The following TBC1D4 variants were observed in gnomAD, a reference collection of about 807,000 sequenced individuals.
The protein encoded by TBC1D4 is TBC (Tre-2, BUB2, CDC16) domain-containing protein.
A neutral mutation model predicts 142.5 loss-of-function variants in TBC1D4; 121 were observed. The observed-to-expected ratio is 0.85, with a 90% CI of 0.73 to 0.99. The LOEUF is 0.99. Ranked by LOEUF, TBC1D4 falls within the 50% of genes least tolerant of loss-of-function variation. The pLI is 0.00. For synonymous variants in TBC1D4, 630 were observed against 628.2 expected, an observed-to-expected ratio of 1.00 and a Z score of -0.04; for missense variants, 1,475 against 1,606.6, an observed-to-expected ratio of 0.92 and a Z score of 1.40.
rs915169274 is a variant in TBC1D4 at position 75,284,392 on chromosome 13, G to A, written c.*2400C>T. Among the ~76,000 whole-genome samples, 21 of 152,302 alleles carry A rather than the reference G, an allele frequency of 1.4e-4. No homozygotes were observed. Among genetic ancestry groups the A allele is most frequent in the African/African-American group, 4.8e-4 (20 of 41,558 alleles). ...AGACGATCCCATCTGGGGATGATGG[G>A]AGACAGTGACAGATCATCAGGCATT... On this transcript the variant is annotated 3_prime_UTR_variant, in exon 21 of 21. Coordinates refer to ENST00000377636, the MANE Select transcript of TBC1D4 (RefSeq NM_014832.5).
At chr13:75,304,337 A>G (rs968485319) in intron 15 of TBC1D4, among the ~76,000 whole-genome samples, 23 of 152,332 alleles carry the variant, frequency 1.5e-4, no homozygotes, top group Non-Finnish European at 2.6e-4. Flanking sequence ...AACAGAGAAT[A>G]AAGCAAGGCA....
chr13:75,320,996 A>G (rs1182345440), intron 11 of TBC1D4, among the ~76,000 whole-genome samples: 1 of 151,024 alleles, frequency 6.6e-6, no homozygotes, highest in African/African-American at 2.4e-5. Context: ...GCTGAGATTG[A>G]GCCACTGCAC....
At chr13:75,341,475 G>A in intron 6 of TBC1D4, 21 bp downstream of exon 6, 4 of 1,603,330 alleles carry the variant, frequency 2.5e-6, no homozygotes, top group East Asian at 2.2e-5. Flanking sequence ...TCTTATTTAT[G>A]AGACCTACAA....
At chr13:75,302,896 T>C (rs78059725) in intron 15 of TBC1D4, 2,149 of 181,114 alleles carry the variant, frequency 0.012, 51 homozygotes, top group African/African-American at 0.047. Context: ...TATTACTGCC[T>C]ATTTTCACTC....
rs1364346127 is a variant in TBC1D4 at position 75,296,991 on chromosome 13, G to A, written c.3157-1978C>T. ...CAAACCCACTGCAAGAGGCATTTAAGCACACTTCTAAACATCCTATTGGCT... is the reference window on the plus strand; with the variant it reads ...CAAACCCACTGCAAGAGGCATTTAAACACACTTCTAAACATCCTATTGGCT... On this transcript the variant is annotated intron_variant, in intron 17 of 20. Transcript: ENST00000377636. Among the ~76,000 whole-genome samples the A allele has an allele frequency of 2.6e-5, 4 of 152,014 alleles. No individual in the cohort carries two copies. In the East Asian group the frequency reaches 7.7e-4, roughly 29 times the overall value.
At chr13:75,348,432 A>G (rs1881326895) in intron 5 of TBC1D4, among the ~76,000 whole-genome samples, 1 of 152,190 alleles carries the variant, frequency 6.6e-6, no homozygotes, top group African/African-American at 2.4e-5. Flanking sequence ...CCATGTCTCA[A>G]TCATTTCTGT....
chr13:75,388,391 G>C (rs762231240), intron 1 of TBC1D4, among the ~76,000 whole-genome samples: 36 of 151,992 alleles, frequency 2.4e-4, no homozygotes, highest in Non-Finnish European at 4.4e-4. Flanking sequence ...CATTCTATTT[G>C]GTATGCCATT....
chr13:75,330,544 TAG>T (rs1463285651), intron 8 of TBC1D4, among the ~76,000 whole-genome samples: 23 of 152,218 alleles, frequency 1.5e-4, no homozygotes, highest in Middle Eastern at 3.2e-3. Flanking sequence ...TTCACAGATA[TAG>T]AGACTGAAGT....
chr13:75,472,875 G>A (rs902967730), intron 1 of TBC1D4, among the ~76,000 whole-genome samples: 4 of 152,146 alleles, frequency 2.6e-5, no homozygotes, highest in African/African-American at 9.7e-5. Context: ...GTTTAATTCA[G>A]GTAAACTCAG....
Position 75,326,211 on chromosome 13 carries a change from G to A in TBC1D4, c.2019C>T (p.Ser673=), listed in dbSNP as rs771582575. The A allele has an allele frequency of 3.7e-6, 6 of 1,614,134 alleles. No individual in the cohort carries two copies. The East Asian group carries it at 6.7e-5, about 18-fold the overall frequency. The part of the protein sequence containing the change: ...GVRSPLLRQS[S]SEQCSNLSSV... ...GTCAGACTCACCTGCACTGTTCACT[G>A]GAGCTCTGCCTCAGCAGAGGGGAAC... is the stretch of plus-strand genomic sequence containing the variant. The change falls in exon 10 of 21, where the codon TCC becomes TCT. Residue 673 remains serine, a synonymous_variant. Coordinates refer to ENST00000377636, the MANE Select transcript of TBC1D4 (RefSeq NM_014832.5).
rs1874458699 is a variant in TBC1D4, at chr13:75,283,516, G to C, written c.*3276C>G. Among the ~76,000 whole-genome samples the C allele has an allele frequency of 6.6e-6, 1 of 152,032 alleles. No individual in the cohort carries two copies. Among genetic ancestry groups the C allele is most frequent in the Non-Finnish European group, 1.5e-5 (1 of 67,994 alleles). On this transcript the variant is annotated 3_prime_UTR_variant, in exon 21 of 21. Transcript: ENST00000377636. ...AAGAAGATACAGTGTATTTTTATTG[G>C]ATTACAAATATACATGAGAATACTC...
intron 5 of TBC1D4, among the ~76,000 whole-genome samples, chr13:75,346,727 C>A (rs1881179862): frequency 6.6e-6 from 1 of 151,912 alleles, no homozygotes; most frequent in Non-Finnish European, 1.5e-5. Context: ...TGCCAGACTG[C>A]CTTCCTGAAA....
chr13:75,374,265 T>C (rs1210120578), intron 1 of TBC1D4, among the ~76,000 whole-genome samples: 2 of 152,102 alleles, frequency 1.3e-5, no homozygotes, highest in Admixed American at 6.6e-5. Flanking sequence ...ACCATGACCT[T>C]TCAATTAATT....
At chr13:75,359,531 G>C (rs534901004) in intron 3 of TBC1D4, among the ~76,000 whole-genome samples, 1 of 152,216 alleles carries the variant, frequency 6.6e-6, no homozygotes, top group South Asian at 2.1e-4. Context: ...CAATGAGAAA[G>C]AGTTGGCTAA....
At position 75,421,239 on chromosome 13, in the gene TBC1D4, C is replaced by T. The variant is rs116900349; in HGVS notation, c.499-58632G>A. Among the ~76,000 whole-genome samples, 704 of 152,312 alleles carry T rather than the reference C, an allele frequency of 4.6e-3. 1 individual carries two copies. Among genetic ancestry groups the T allele is most frequent in the Non-Finnish European group, 7.3e-3 (495 of 68,030 alleles). On this transcript the variant is annotated intron_variant, in intron 1 of 20. Transcript: ENST00000377636. ...CTCAGAACAGTGACCATCGTCCTCACAAAGCCTTTTTGGACCCTTTGGCCA... is the reference window on the plus strand; with the variant it reads ...CTCAGAACAGTGACCATCGTCCTCATAAAGCCTTTTTGGACCCTTTGGCCA...
chr13:75,403,057 T>C (rs915471776), intron 1 of TBC1D4, among the ~76,000 whole-genome samples: 9 of 152,184 alleles, frequency 5.9e-5, no homozygotes, highest in African/African-American at 1.9e-4. Flanking sequence ...CCCGTGCTCC[T>C]GGGCCCCTCT....
chr13:75,376,022 G>T (rs1008448682), intron 1 of TBC1D4: 1 of 152,126 alleles, frequency 6.6e-6, no homozygotes, highest in Non-Finnish European at 1.5e-5. Context: ...ATGCATTCGA[G>T]ACAAGGCAAT....
intron 1 of TBC1D4, among the ~76,000 whole-genome samples, chr13:75,446,305 C>A (rs537256885): frequency 6.6e-6 from 1 of 152,174 alleles, no homozygotes; most frequent in Non-Finnish European, 1.5e-5. Flanking sequence ...TTAGAACATT[C>A]GTAATGTTGT....
intron 1 of TBC1D4, among the ~76,000 whole-genome samples, chr13:75,418,241 G>C (rs1886004969): frequency 6.6e-6 from 1 of 152,062 alleles, no homozygotes; most frequent in Non-Finnish European, 1.5e-5. Context: ...ATATAGCATT[G>C]AGTATGCCAT....
Sources: gnomAD v4.1 joint callset for allele counts (sites outside exome capture counted in the v4.1 genomes callset) on GRCh38, gnomAD v4.1.1 for gene constraint, MANE v1.5 for transcripts, NCBI Gene and HGNC (gene_info 2026-07-23, HGNC 2026-07-21) for gene names.